The following SLC26A5 variants were observed in gnomAD, a reference collection of about 807,000 sequenced individuals.
SLC26A5 encodes prestin.
A neutral mutation model predicts 81.0 loss-of-function variants in SLC26A5; 51 were observed. The ratio of observed to expected loss-of-function variants is 0.63; its 90% confidence interval spans 0.50 to 0.80. The LOEUF (loss-of-function observed/expected upper bound fraction) is 0.80. Ranked by LOEUF, SLC26A5 falls within the 30% of genes least tolerant of loss-of-function variation. SLC26A5 has a pLI of 0.00. For missense variants in SLC26A5, 771 were observed against 905.8 expected (o/e 0.85, Z 1.91); for synonymous variants, 325 against 332.8 (o/e 0.98, Z 0.25).
At chr7:103,353,032 G>A (rs556840838) in intron 19 of SLC26A5, 14 of 770,064 alleles carry the variant, frequency 1.8e-5, no homozygotes, top group Admixed American at 6.8e-5. Flanking sequence ...TTGATTTGGG[G>A]ATTACAAATA....
intron 14 of SLC26A5, among the ~76,000 whole-genome samples, chr7:103,387,972 G>A (rs188231324): frequency 1.3e-5 from 2 of 152,174 alleles, no homozygotes; most frequent in East Asian, 3.9e-4. Context: ...AAGAGTCACT[G>A]TGCCTGGCCA....
At chr7:103,384,994 G>C (rs990200740) in intron 14 of SLC26A5, among the ~76,000 whole-genome samples, 11 of 151,982 alleles carry the variant, frequency 7.2e-5, no homozygotes, top group Non-Finnish European at 1.6e-4. Context: ...AAATATAATA[G>C]GCCCTCAACA....
downstream of SLC26A5, chr7:103,374,174 G>GTC: frequency 7.5e-7 from 1 of 1,330,022 alleles, no homozygotes; most frequent in South Asian, 1.9e-5. Flanking sequence ...TAGCAGAAAT[G>GTC]TCTCTCCATA....
intron 2 of SLC26A5, among the ~76,000 whole-genome samples, chr7:103,425,971 A>G (rs1415508645): frequency 6.6e-6 from 1 of 152,206 alleles, no homozygotes; most frequent in Non-Finnish European, 1.5e-5. Flanking sequence ...ATGGCAAAAC[A>G]AACACCCTCA....
At chr7:103,386,890 T>C (rs1822238909) in intron 14 of SLC26A5, among the ~76,000 whole-genome samples, 1 of 151,864 alleles carries the variant, frequency 6.6e-6, no homozygotes, top group Non-Finnish European at 1.5e-5. Flanking sequence ...CCCTCCTGAG[T>C]AGCTGGGATT....
intron 1 of SLC26A5, 166 bp downstream of exon 1, chr7:103,445,931 GC>G (rs906188898): frequency 8.6e-5 from 13 of 150,748 alleles, no homozygotes; most frequent in Non-Finnish European, 1.9e-4. Context: ...GGGCAGGTCA[GC>G]CCTGTCACCG....
intron 4 of SLC26A5, among the ~76,000 whole-genome samples, chr7:103,419,972 G>A (rs1484740444): frequency 6.6e-6 from 1 of 152,150 alleles, no homozygotes; most frequent in Non-Finnish European, 1.5e-5. Flanking sequence ...TGAGCTCCAT[G>A]AGGACAGTGA....
At chr7:103,413,171 G>T (rs1824644148) in intron 4 of SLC26A5, 59 bp from the exon 5 acceptor site, 1 of 1,163,406 alleles carries the variant, frequency 8.6e-7, no homozygotes, top group Non-Finnish European at 1.3e-6. Context: ...GGTGTTACAT[G>T]TGTTTTTCTC....
At chr7:103,353,496 G>A (rs930072338) in intron 19 of SLC26A5, among the ~76,000 whole-genome samples, 5 of 152,026 alleles carry the variant, frequency 3.3e-5, no homozygotes, top group South Asian at 4.1e-4. Flanking sequence ...TGGTAGAGAC[G>A]GGGTTTCGCC....
At chr7:103,432,842 A>G (rs145608292) in intron 2 of SLC26A5, among the ~76,000 whole-genome samples, 7 of 151,940 alleles carry the variant, frequency 4.6e-5, no homozygotes, top group African/African-American at 1.7e-4. Flanking sequence ...TTTCATGTCT[A>G]CTCTGCTAGG....
intron 2 of SLC26A5, among the ~76,000 whole-genome samples, chr7:103,438,800 C>A (rs1235561601): frequency 6.6e-6 from 1 of 152,100 alleles, no homozygotes; most frequent in African/African-American, 2.4e-5. Flanking sequence ...TCTGATGTGT[C>A]GGCAACTATA....
chr7:103,384,151 A>C (rs1171766108), intron 14 of SLC26A5, among the ~76,000 whole-genome samples: 2 of 152,014 alleles, frequency 1.3e-5, no homozygotes, highest in African/African-American at 4.8e-5. Flanking sequence ...AAAATAAAAA[A>C]AATTTTTTTT....
chr7:103,419,711 T>A (rs570022885), intron 4 of SLC26A5, among the ~76,000 whole-genome samples: 2 of 152,106 alleles, frequency 1.3e-5, no homozygotes, highest in Non-Finnish European at 2.9e-5. Flanking sequence ...CTAATTTTTA[T>A]ATTTTTTGTA....
At position 103,392,994 on chromosome 7, in the gene SLC26A5, G is replaced by T; in HGVS notation, c.1044C>A (p.Ile348=). The T allele has an allele frequency of 6.2e-7, 1 of 1,613,988 alleles. No homozygotes were observed. The highest frequency in any genetic ancestry group is 8.5e-7 in the Non-Finnish European group (1 of 1,179,884). ...LVYVDAIAIA[I]VGFSVTISMA... is the part of the protein sequence containing the mutation. ...TGGAGATGGTCACTGAAAATCCAAC[G>T]ATGGCTATGGCAATGGCATCTACGT... Residue 348 remains isoleucine, a synonymous_variant, in exon 10 of 20, where the codon ATC becomes ATA. Coordinates refer to ENST00000306312, the MANE Select transcript of SLC26A5 (RefSeq NM_198999.3).
At chr7:103,409,657 G>T (rs1441516967) in intron 7 of SLC26A5, among the ~76,000 whole-genome samples, 1 of 151,868 alleles carries the variant, frequency 6.6e-6, no homozygotes, top group African/African-American at 2.4e-5. Context: ...AAAGATTCAT[G>T]TTAGTTAAAT....
chr7:103,401,843 T>C (rs1253157358), intron 8 of SLC26A5, among the ~76,000 whole-genome samples: 2 of 152,236 alleles, frequency 1.3e-5, no homozygotes, highest in Non-Finnish European at 2.9e-5. Flanking sequence ...GTTCTGTTTA[T>C]GTGATGGACT....
At chr7:103,405,165 C>G (rs973873126) in intron 8 of SLC26A5, among the ~76,000 whole-genome samples, 5 of 152,066 alleles carry the variant, frequency 3.3e-5, no homozygotes, top group Admixed American at 3.3e-4. Context: ...TATTACCCAC[C>G]TTCTGAAGCT....
chr7:103,379,282 A>T lies in SLC26A5; in HGVS notation c.1638T>A (p.Tyr546Ter). 6.2e-7 allele frequency: 1 copy of T among 1,611,838 alleles called. No individual in the cohort carries two copies. The highest frequency in any genetic ancestry group is 8.5e-7 in the Non-Finnish European group (1 of 1,178,114). ...CATTGCTATACAAGTCGCTATTTGC[A>T]TAGTAAATTGGTGCATTTATTTGAA... is the stretch of plus-strand genomic sequence containing the variant. ...KIFQINAPIY[Y>*]ANSDLYSNAL... Residue 546 changes from tyrosine (Y) to a stop codon, truncating the protein, a stop_gained, in exon 16 of 20, where the codon TAT becomes TAA. Coordinates refer to ENST00000306312, the MANE Select transcript of SLC26A5 (RefSeq NM_198999.3). LOFTEE classifies it high-confidence loss of function.
At chr7:103,372,069 A>C (rs1389633986), downstream of SLC26A5, among the ~76,000 whole-genome samples, 2 of 152,192 alleles carry the variant, frequency 1.3e-5, no homozygotes, top group Non-Finnish European at 2.9e-5. Context: ...TCGTTTACAA[A>C]AGTTTCTAGT....
Sources: allele counts gnomAD v4.1 joint callset (sites outside exome capture counted in the v4.1 genomes callset), GRCh38; gene constraint gnomAD v4.1.1; transcripts MANE v1.5; gene names NCBI Gene and HGNC (gene_info 2026-07-23, HGNC 2026-07-21).